Variants in GUCY1B1 observed in about 807,000 individuals in gnomAD.
The protein encoded by GUCY1B1 is guanylate cyclase 1 soluble subunit beta 1, also known as guanylate cyclase soluble subunit beta-1.
Under a neutral mutation model 71.0 loss-of-function variants are expected in GUCY1B1, and 43 were observed. That is an observed-to-expected ratio of 0.61 (90% CI 0.47 to 0.78). GUCY1B1 has a LOEUF of 0.78. GUCY1B1 is among the 30% of genes least tolerant of loss of function. The pLI, the probability that GUCY1B1 is intolerant of heterozygous loss-of-function variation, is 0.00. For missense variants in GUCY1B1, 535 were observed against 754.1 expected (o/e 0.71, Z 3.40); for synonymous variants, 266 against 259.7 (o/e 1.02, Z -0.23).
At chr4:155,770,785 A>G (rs28572741) in intron 2 of GUCY1B1, among the ~76,000 whole-genome samples, 2,199 of 146,850 alleles carry the variant, frequency 0.015, 55 homozygotes, top group African/African-American at 0.053. Context: ...CACTGTCCCC[A>G]TGAAGCCTAC....
intron 2 of GUCY1B1, among the ~76,000 whole-genome samples, chr4:155,765,003 T>G (rs1367390956): frequency 1.3e-5 from 2 of 151,958 alleles, no homozygotes; most frequent in African/African-American, 4.8e-5. Flanking sequence ...GAGTCTTTAT[T>G]TTCCTTGCAT....
At chr4:155,796,819 C>G (rs974877983) in intron 8 of GUCY1B1, among the ~76,000 whole-genome samples, 5 of 152,036 alleles carry the variant, frequency 3.3e-5, no homozygotes, top group African/African-American at 1.2e-4. Context: ...TCAAAATAGG[C>G]ATTATGTAGA....
rs200130454 is a variant in GUCY1B1, at chr4:155,802,329, T to A, written c.1176-13T>A. Reference sequence around the variant, plus strand: ...ATTTCTTACAGTGGCTTTCTGCTGATCCCACTGAACAGATTGCTGTATTCT... The same window carrying A: ...ATTTCTTACAGTGGCTTTCTGCTGAACCCACTGAACAGATTGCTGTATTCT... On this transcript the variant is annotated splice_polypyrimidine_tract_variant and intron_variant, in intron 9 of 13. Coordinates refer to ENST00000264424, the MANE Select transcript of GUCY1B1 (RefSeq NM_000857.5). This position sits in a 1 kb window ranked among gnomAD's most constrained non-coding sequence, Gnocchi z 4.3. 1.2e-6 allele frequency: 2 copies of A among 1,613,750 alleles called. No individual in the cohort carries two copies. Among genetic ancestry groups the A allele is most frequent in the East Asian group, 2.2e-5 (1 of 44,880 alleles).
intron 2 of GUCY1B1, among the ~76,000 whole-genome samples, chr4:155,767,322 G>A (rs7699607): frequency 0.012 from 1,805 of 152,182 alleles, 36 homozygotes; most frequent in African/African-American, 0.04. Flanking sequence ...ATATACACAA[G>A]TGTCTAAGTA....
chr4:155,792,959 T>G (rs983818463), intron 5 of GUCY1B1, among the ~76,000 whole-genome samples: 1 of 152,222 alleles, frequency 6.6e-6, no homozygotes, highest in Admixed American at 6.5e-5. Context: ...CACAAAATTT[T>G]AAGGAATTTT....
At chr4:155,763,299 G>T (rs567577481) in intron 2 of GUCY1B1, among the ~76,000 whole-genome samples, 6 of 152,038 alleles carry the variant, frequency 3.9e-5, no homozygotes, top group Non-Finnish European at 2.9e-5. Flanking sequence ...TCTTGACTCG[G>T]CCTCCCAAAG....
At chr4:155,778,312 G>A (rs943174538) in intron 4 of GUCY1B1, among the ~76,000 whole-genome samples, 1 of 152,132 alleles carries the variant, frequency 6.6e-6, no homozygotes, top group Admixed American at 6.6e-5. Context: ...TTAGATGAGA[G>A]ACTATTTCTG....
intron 13 of GUCY1B1, among the ~76,000 whole-genome samples, chr4:155,805,947 A>T (rs1740282447): frequency 2.0e-5 from 3 of 152,162 alleles, no homozygotes; most frequent in Admixed American, 2.0e-4. Context: ...AAGGAGTGGC[A>T]TCAGAAGCAA....
intron 8 of GUCY1B1, among the ~76,000 whole-genome samples, chr4:155,797,010 A>G (rs1286579687): frequency 6.6e-6 from 1 of 152,222 alleles, no homozygotes; most frequent in African/African-American, 2.4e-5. Context: ...TTCCAAATAT[A>G]TTATTCAATT....
At chr4:155,782,290 C>T (rs1388626520) in intron 4 of GUCY1B1, among the ~76,000 whole-genome samples, 2 of 152,004 alleles carry the variant, frequency 1.3e-5, no homozygotes, top group Non-Finnish European at 2.9e-5. Flanking sequence ...GGGGTTTCAC[C>T]GTGTTAGCCA....
At chr4:155,769,908 A>C (rs2110999985) in intron 2 of GUCY1B1, among the ~76,000 whole-genome samples, 1 of 152,318 alleles carries the variant, frequency 6.6e-6, no homozygotes, top group Admixed American at 6.5e-5. Flanking sequence ...TACATAATGC[A>C]ACAATTTAAA....
intron 1 of GUCY1B1, 173 bp from the exon 2 acceptor site, chr4:155,759,614 T>G (rs1041732225): frequency 1.8e-6 from 1 of 540,606 alleles, no homozygotes; most frequent in Non-Finnish European, 3.2e-6. Context: ...GATTGGGGGG[T>G]TGCGCCCCCA....
intron 2 of GUCY1B1, among the ~76,000 whole-genome samples, chr4:155,771,202 G>C (rs1277712602): frequency 1.3e-5 from 2 of 152,156 alleles, no homozygotes; most frequent in Non-Finnish European, 2.9e-5. Flanking sequence ...ATTTTTAAAA[G>C]AAGATTATTA....
intron 2 of GUCY1B1, among the ~76,000 whole-genome samples, chr4:155,762,855 C>T (rs889020036): frequency 6.6e-6 from 1 of 152,150 alleles, no homozygotes; most frequent in African/African-American, 2.4e-5. Flanking sequence ...CCAAACCAGA[C>T]AAAGTGGGCT....
intron 7 of GUCY1B1, among the ~76,000 whole-genome samples, chr4:155,795,682 C>G (rs540209522): frequency 3.9e-5 from 6 of 152,118 alleles, no homozygotes; most frequent in South Asian, 2.1e-4. Context: ...TAGAGACTGT[C>G]TTTCTGAGAC....
Position 155,795,464 on chromosome 4 carries a change from A to C in GUCY1B1, c.843+7A>C. Reference sequence around the variant, plus strand: ...TTTTGTATTGAGAAGCAAGGTAATCAAGATATTATTTCATTAAATGTGAGA... The same window carrying C: ...TTTTGTATTGAGAAGCAAGGTAATCCAGATATTATTTCATTAAATGTGAGA... On this transcript the variant is annotated splice_region_variant and intron_variant, in intron 7 of 13. Coordinates refer to ENST00000264424, the MANE Select transcript of GUCY1B1 (RefSeq NM_000857.5). The C allele has an allele frequency of 8.0e-7, 1 of 1,253,688 alleles. No individual in the cohort carries two copies. The highest frequency in any genetic ancestry group is 1.2e-6 in the Non-Finnish European group (1 of 856,492). 77.7% of individuals were successfully genotyped at this position (1,253,688 alleles called of 1,614,324 possible).
intron 6 of GUCY1B1, 83 bp downstream of exon 6, chr4:155,794,169 A>G (rs1739382352): frequency 1.4e-6 from 1 of 736,238 alleles, no homozygotes; most frequent in Admixed American, 2.4e-5. Flanking sequence ...CCATTCATTT[A>G]ACCCTCTGAC....
intron 8 of GUCY1B1, among the ~76,000 whole-genome samples, chr4:155,798,839 C>CGTTGTT (rs111768323): frequency 1.3e-5 from 2 of 151,576 alleles, no homozygotes; most frequent in Non-Finnish European, 2.9e-5. Context: ...GTTTTGTTGT[C>CGTTGTT]GTTGTTGTTG....
chr4:155,785,513 G>T (rs145177085), intron 4 of GUCY1B1, among the ~76,000 whole-genome samples: 1 of 151,972 alleles, frequency 6.6e-6, no homozygotes. Context: ...GAGCAATGTG[G>T]ATGAACTATC....
Sources: allele counts gnomAD v4.1 joint callset (sites outside exome capture counted in the v4.1 genomes callset), GRCh38; gene constraint gnomAD v4.1.1; non-coding constraint Gnocchi (gnomAD v3.1); transcripts MANE v1.5; gene names NCBI Gene and HGNC (gene_info 2026-07-23, HGNC 2026-07-21).